Variants in MTMR3 observed in about 807,000 individuals in gnomAD.
MTMR3 encodes phosphatidylinositol-3,5-bisphosphate 3-phosphatase MTMR3.
MTMR3 carries 32 observed loss-of-function variants against 132.4 expected under a neutral mutation model. That is an observed-to-expected ratio of 0.24 (90% CI 0.18 to 0.32). The LOEUF (loss-of-function observed/expected upper bound fraction) is 0.32. Ranked by LOEUF, MTMR3 falls within the 10% of genes least tolerant of loss-of-function variation. MTMR3 has a pLI of 1.00. For synonymous variants in MTMR3, 556 were observed against 550.3 expected, an observed-to-expected ratio of 1.01 and a Z score of -0.14; for missense variants, 1,216 against 1,489.6, an observed-to-expected ratio of 0.82 and a Z score of 3.02.
At chr22:29,884,117 C>T (rs1411240635) in intron 1 of MTMR3, among the ~76,000 whole-genome samples, 2 of 152,156 alleles carry the variant, frequency 1.3e-5, no homozygotes, top group Admixed American at 6.5e-5. Flanking sequence ...ATAGACTCCC[C>T]TGGAATTTGA....
intron 1 of MTMR3, among the ~76,000 whole-genome samples, chr22:29,924,471 T>G (rs546063149): frequency 6.6e-5 from 9 of 135,984 alleles, no homozygotes; most frequent in Non-Finnish European, 1.0e-4. Flanking sequence ...TGCAGCTTTG[T>G]AGTAAGTTTT....
intron 5 of MTMR3, 190 bp from the exon 6 acceptor site, chr22:29,988,290 T>C (rs1223261388): frequency 7.7e-6 from 3 of 388,376 alleles, no homozygotes; most frequent in Non-Finnish European, 1.4e-5. Flanking sequence ...ACCACTGATT[T>C]AGAGATAAAG....
Position 29,929,885 on chromosome 22 carries a change from G to C in MTMR3, c.-137-27151G>C, listed in dbSNP as rs5763612. Among the ~76,000 whole-genome samples, 99 of 152,286 alleles carry C rather than the reference G, an allele frequency of 6.5e-4. 3 individuals are homozygous for C. In the East Asian group the frequency reaches 0.016, roughly 25 times the overall value. On this transcript the variant is annotated intron_variant, in intron 1 of 19. Coordinates refer to ENST00000401950, the MANE Select transcript of MTMR3 (RefSeq NM_021090.4). ...ATTCTAACACTTACTGGGAAGGTCT[G>C]AATTTTGACTGAACTGTTTATAGCA...
In MTMR3 at chr22:30,019,994, C is replaced by T. The variant is rs61737780; in HGVS notation, c.2335C>T (p.Leu779Phe). ...TGGGCTCAGTGTTCTCCTCAGTTCT[C>T]TCCAGGTCCCCCCCAGGGGAGAGGA... ...QSGLSVLLSS[L>F]QVPPRGEDSL... The change falls in exon 17 of 20, where the codon CTC becomes TTC. Residue 779 changes from leucine to phenylalanine, a missense_variant. Physicochemically the swap from Leu to Phe is conservative, Grantham distance 22. Coordinates refer to ENST00000401950, the MANE Select transcript of MTMR3 (RefSeq NM_021090.4). The T allele has an allele frequency of 9.0e-3, 14,553 of 1,614,068 alleles. 65 individuals carry two copies. The highest frequency in any genetic ancestry group is 0.011 in the Non-Finnish European group (13,566 of 1,180,030).
At chr22:29,920,897 G>C (rs567467655) in intron 1 of MTMR3, among the ~76,000 whole-genome samples, 1 of 129,420 alleles carries the variant, frequency 7.7e-6, no homozygotes, top group Non-Finnish European at 1.5e-5. Context: ...ACTAAATTTT[G>C]TTCATTCTAA....
In MTMR3 at chr22:30,028,991, TGG is replaced by T. The variant is rs1474491709; in HGVS notation, c.*3191_*3192del. ...GCTAGTCTCCAGCAAATTAAAACAC[TGG>T]CATGGCCTAGGAAGGGCGTTGCGAG... On this transcript the variant is annotated 3_prime_UTR_variant, in exon 20 of 20. Transcript: ENST00000401950. 1 of 152,148 alleles carries T rather than the reference TGG, an allele frequency of 6.6e-6. No individual in the cohort carries two copies. Among genetic ancestry groups the T allele is most frequent in the East Asian group, 1.9e-4 (1 of 5,330 alleles). The allele number at this position is 152,148 out of a possible 1,614,324, so 9.4% of individuals were successfully genotyped here.
chr22:29,930,906 T>TA (rs1478466828), intron 1 of MTMR3, among the ~76,000 whole-genome samples: 1 of 144,462 alleles, frequency 6.9e-6, no homozygotes, highest in Non-Finnish European at 1.5e-5. Flanking sequence ...ACTCAGGAGG[T>TA]AGAGTTGGGT....
chr22:29,928,347 T>G (rs2065568100), intron 1 of MTMR3, among the ~76,000 whole-genome samples: 1 of 151,930 alleles, frequency 6.6e-6, no homozygotes, highest in Non-Finnish European at 1.5e-5. Flanking sequence ...AATGTTTGTA[T>G]TTTTAGTAGA....
chr22:29,942,926 G>A (rs111692289), intron 1 of MTMR3, among the ~76,000 whole-genome samples: 51 of 152,228 alleles, frequency 3.4e-4, no homozygotes, highest in African/African-American at 1.1e-3. Context: ...CTCAGCTTAC[G>A]AAGATGACAG....
chr22:29,952,227 C>A (rs997346106), intron 1 of MTMR3, among the ~76,000 whole-genome samples: 4 of 152,008 alleles, frequency 2.6e-5, no homozygotes, highest in African/African-American at 7.2e-5. Flanking sequence ...TTTTCCCCCT[C>A]GGGAGAGGAT....
At chr22:29,989,050 A>T (rs1332220591) in intron 6 of MTMR3, 1 of 152,722 alleles carries the variant, frequency 6.5e-6, no homozygotes, top group African/African-American at 2.4e-5. Context: ...TAATACTTAC[A>T]TCCAGTCTAC....
At position 30,009,284 on chromosome 22, in the gene MTMR3, G is replaced by C; in HGVS notation, c.1121+155G>C. The C allele has an allele frequency of 8.3e-6, 5 of 605,914 alleles. No homozygotes were observed. The South Asian group carries it at 1.0e-4, about 12-fold the overall frequency. 37.5% of individuals were successfully genotyped at this position (605,914 alleles called of 1,614,324 possible). A position where few individuals can be genotyped will look rare whatever the true frequency, so the allele number is the denominator to read the frequency against. ...ATCTTCAGTTACCAGACCAGTCTCT[G>C]CAAGTATCTCCTTGCTGGGTCTGAA... On this transcript the variant is annotated intron_variant, in intron 12 of 19. Transcript: ENST00000401950.
At chr22:29,988,628 T>G (rs1308306546) in intron 6 of MTMR3, 66 bp downstream of exon 6, 2 of 1,229,602 alleles carry the variant, frequency 1.6e-6, no homozygotes, top group Non-Finnish European at 2.3e-6. Context: ...AATGGGTCCA[T>G]TATTTGGTAA....
intron 19 of MTMR3, chr22:30,025,218 C>G (rs2067884699): frequency 5.8e-6 from 1 of 172,182 alleles, no homozygotes; most frequent in Admixed American, 5.7e-5. Flanking sequence ...GTAGTTGTTT[C>G]TCTCGTTTGA....
intron 1 of MTMR3, among the ~76,000 whole-genome samples, chr22:29,890,386 G>A (rs2064772650): frequency 6.6e-6 from 1 of 151,884 alleles, no homozygotes; most frequent in South Asian, 2.1e-4. Flanking sequence ...GTGTGGTGGC[G>A]GGCCTCTGTA....
chr22:30,000,373 A>T (rs1434395986), intron 8 of MTMR3: 1 of 152,190 alleles, frequency 6.6e-6, no homozygotes, highest in East Asian at 1.9e-4. Context: ...AGGCGGGAGA[A>T]TGGCATGAAC....
At chr22:29,910,567 G>C (rs928574304) in intron 1 of MTMR3, among the ~76,000 whole-genome samples, 13 of 152,120 alleles carry the variant, frequency 8.5e-5, no homozygotes, top group Admixed American at 1.3e-4. Flanking sequence ...TTACTGTGGC[G>C]ACTATATGAT....
intron 9 of MTMR3, chr22:30,006,227 C>T (rs1210368497): frequency 6.6e-6 from 1 of 152,172 alleles, no homozygotes; most frequent in Non-Finnish European, 1.5e-5. Flanking sequence ...ACTGTGATTT[C>T]TGGTCTGTCT....
intron 1 of MTMR3, among the ~76,000 whole-genome samples, chr22:29,903,541 A>G (rs2065040787): frequency 6.6e-6 from 1 of 151,616 alleles, no homozygotes; most frequent in Non-Finnish European, 1.5e-5. Context: ...GAACATGCCA[A>G]CATGCCTGGC....
Sources: allele counts gnomAD v4.1 joint callset (sites outside exome capture counted in the v4.1 genomes callset), GRCh38; gene constraint gnomAD v4.1.1; transcripts MANE v1.5; gene names NCBI Gene and HGNC (gene_info 2026-07-23, HGNC 2026-07-21).